Variants in PRR5L observed in about 807,000 individuals in gnomAD.
The protein encoded by PRR5L is proline-rich protein 5-like.
In PRR5L, 21 loss-of-function variants were observed where a neutral mutation model predicts 36.4. That is an observed-to-expected ratio of 0.58 (90% CI 0.41 to 0.83). The LOEUF (loss-of-function observed/expected upper bound fraction) is 0.83, where lower values mean the gene tolerates loss of function less well. PRR5L is among the 40% of genes least tolerant of loss of function. The pLI is 0.00. For synonymous variants in PRR5L, 188 were observed against 197.0 expected (o/e 0.95, Z 0.38); for missense variants, 381 against 473.3 (o/e 0.80, Z 1.81).
intron 1 of PRR5L, among the ~76,000 whole-genome samples, chr11:36,381,936 A>G (rs1181947196): frequency 6.6e-6 from 1 of 152,000 alleles, no homozygotes. Context: ...AGGCGGGTGG[A>G]TCATGAGGTC....
intron 1 of PRR5L, among the ~76,000 whole-genome samples, chr11:36,387,776 A>G (rs1177503066): frequency 6.6e-6 from 1 of 152,214 alleles, no homozygotes; most frequent in Non-Finnish European, 1.5e-5. Flanking sequence ...CTCCACATAA[A>G]AGGTCTGAGA....
chr11:36,407,078 C>A (rs376407340), intron 3 of PRR5L, among the ~76,000 whole-genome samples: 1 of 152,122 alleles, frequency 6.6e-6, no homozygotes, highest in East Asian at 1.9e-4. Context: ...TAAATATTAG[C>A]CATATGATTC....
chr11:36,325,976 A>T (rs902683053), intron 1 of PRR5L, among the ~76,000 whole-genome samples: 1 of 152,086 alleles, frequency 6.6e-6, no homozygotes, highest in East Asian at 1.9e-4. Flanking sequence ...TTTGTTTTTT[A>T]TTAAGCGGTA....
chr11:36,341,082 C>A (rs1196460634), intron 1 of PRR5L, among the ~76,000 whole-genome samples: 1 of 152,174 alleles, frequency 6.6e-6, no homozygotes, highest in Non-Finnish European at 1.5e-5. Flanking sequence ...GATGGAGAGG[C>A]AGATATGAAA....
At chr11:36,325,312 C>T (rs1405709680) in intron 1 of PRR5L, among the ~76,000 whole-genome samples, 1 of 152,268 alleles carries the variant, frequency 6.6e-6, no homozygotes, top group Non-Finnish European at 1.5e-5. Flanking sequence ...GCACAGCAGA[C>T]ACCCTGCTGG....
At chr11:36,391,006 G>C (rs969546024) in intron 1 of PRR5L, among the ~76,000 whole-genome samples, 24 of 119,178 alleles carry the variant, frequency 2.0e-4, no homozygotes, top group Non-Finnish European at 3.6e-4. Context: ...GGATTTGCAC[G>C]CTGGGCTTTC....
chr11:36,367,617 T>C (rs547754324), intron 1 of PRR5L, among the ~76,000 whole-genome samples: 43 of 152,254 alleles, frequency 2.8e-4, no homozygotes, highest in African/African-American at 9.6e-4. Context: ...ACTGTTCTGG[T>C]CAAGATATTT....
chr11:36,359,590 T>C (rs1309073885), intron 1 of PRR5L, among the ~76,000 whole-genome samples: 3 of 152,188 alleles, frequency 2.0e-5, no homozygotes, highest in Non-Finnish European at 4.4e-5. Context: ...ACACTTTCAT[T>C]AAAACGTAGA....
intron 7 of PRR5L, among the ~76,000 whole-genome samples, chr11:36,450,572 G>A (rs1380334008): frequency 6.6e-6 from 1 of 152,172 alleles, no homozygotes; most frequent in Non-Finnish European, 1.5e-5. Context: ...TCATCTTGGC[G>A]CTAAAACTAT....
chr11:36,385,091 CTTG>C (rs1451309882), intron 1 of PRR5L, among the ~76,000 whole-genome samples: 2 of 152,220 alleles, frequency 1.3e-5, no homozygotes, highest in Non-Finnish European at 2.9e-5. Context: ...ACTTAAAACT[CTTG>C]TTGGCTGCCA....
intron 8 of PRR5L, among the ~76,000 whole-genome samples, chr11:36,458,542 A>T (rs1241655354): frequency 6.6e-6 from 1 of 152,256 alleles, no homozygotes; most frequent in Non-Finnish European, 1.5e-5. Context: ...TTTAGTCCAA[A>T]GGTTTAGAAT....
chr11:36,354,458 G>A (rs928303681), intron 1 of PRR5L, among the ~76,000 whole-genome samples: 2 of 152,120 alleles, frequency 1.3e-5, no homozygotes, highest in Non-Finnish European at 2.9e-5. Context: ...TTGCATCTGC[G>A]GTGGGTTTTG....
intron 4 of PRR5L, among the ~76,000 whole-genome samples, chr11:36,427,924 C>T (rs1313575625): frequency 1.3e-5 from 2 of 152,220 alleles, no homozygotes; most frequent in East Asian, 3.9e-4. Flanking sequence ...GGGCAGGTAA[C>T]CCCAAGAGAT....
At chr11:36,417,729 G>C (rs1284770320) in intron 3 of PRR5L, among the ~76,000 whole-genome samples, 1 of 152,214 alleles carries the variant, frequency 6.6e-6, no homozygotes, top group Non-Finnish European at 1.5e-5. Flanking sequence ...TATTGTGCCT[G>C]TTTTCTCTGC....
At chr11:36,459,478 C>T (rs150892473) in intron 8 of PRR5L, among the ~76,000 whole-genome samples, 15 of 152,256 alleles carry the variant, frequency 9.9e-5, no homozygotes, top group Non-Finnish European at 1.6e-4. Flanking sequence ...TCTGACCCAC[C>T]CTAGGGTTTC....
At chr11:36,388,337 CTT>C (rs1397902542) in intron 1 of PRR5L, 1 of 152,164 alleles carries the variant, frequency 6.6e-6, no homozygotes. Flanking sequence ...AGCTGGGTGA[CTT>C]TGAAGAAATC....
chr11:36,402,504 A>G (rs1385386836), intron 2 of PRR5L, among the ~76,000 whole-genome samples: 1 of 152,164 alleles, frequency 6.6e-6, no homozygotes, highest in Non-Finnish European at 1.5e-5. Flanking sequence ...CTGCCTCCCA[A>G]AGTGCTGGGA....
intron 1 of PRR5L, among the ~76,000 whole-genome samples, chr11:36,313,049 G>A (rs144929484): frequency 3.3e-5 from 5 of 152,238 alleles, no homozygotes; most frequent in Admixed American, 1.3e-4. Flanking sequence ...GTGTGCAGCT[G>A]TGTTCACAGA....
At chr11:36,301,473 C>T (rs1459522318) in intron 1 of PRR5L, among the ~76,000 whole-genome samples, 1 of 152,044 alleles carries the variant, frequency 6.6e-6, no homozygotes, top group Non-Finnish European at 1.5e-5. Context: ...TGGCAGCCAC[C>T]TGAGGGAGGG....
Sources: gnomAD v4.1 joint callset for allele counts (sites outside exome capture counted in the v4.1 genomes callset) on GRCh38, gnomAD v4.1.1 for gene constraint, MANE v1.5 for transcripts, NCBI Gene and HGNC (gene_info 2026-07-23, HGNC 2026-07-21) for gene names.